The following CCNE2 variants were observed in gnomAD, a reference collection of about 807,000 sequenced individuals.
CCNE2 encodes the protein G1/S-specific cyclin-E2.
In CCNE2, 18 loss-of-function variants were observed where a neutral mutation model predicts 56.8. The ratio of observed to expected loss-of-function variants is 0.32; its 90% CI spans 0.22 to 0.47. CCNE2 has a LOEUF of 0.47. Ranked by LOEUF, CCNE2 falls within the 20% of genes least tolerant of loss-of-function variation. CCNE2 has a pLI of 1.00. For synonymous variants in CCNE2, 139 were observed against 149.2 expected (o/e 0.93, Z 0.50); for missense variants, 371 against 467.1 (o/e 0.79, Z 1.90).
rs1259973212 is a variant in CCNE2 at position 94,885,178 on chromosome 8, A to G, written c.720T>C (p.Pro240=). The G allele has an allele frequency of 6.2e-7, 1 of 1,613,644 alleles. No homozygotes were observed. The highest frequency in any genetic ancestry group is 1.3e-5 in the African/African-American group (1 of 74,926). The change falls in exon 9 of 12, where the codon CCT becomes CCC. Residue 240 remains proline (P), a synonymous_variant. Transcript: ENST00000308108. The stretch of plus-strand genomic sequence containing the variant: ...GATTTAGCCAGGAGATGATTGTTAC[A>G]GGACAAAGTTCCCATTTTAAAGCCT... ...ILKALKWELC[P]VTIISWLNLF... is the part of the protein sequence containing the mutation.
In CCNE2 at chr8:94,884,738, A is replaced by G. The variant is rs1816970054; in HGVS notation, c.831+329T>C. Reference sequence around the variant, plus strand: ...TAGGCACTCTGTGTATCCAAATGTAAAGACATCATACAGAATAATTCTATG... The same window carrying G: ...TAGGCACTCTGTGTATCCAAATGTAGAGACATCATACAGAATAATTCTATG... On this transcript the variant is annotated intron_variant, in intron 9 of 11. Coordinates refer to ENST00000308108, the MANE Select transcript of CCNE2 (RefSeq NM_057749.3). 2.8e-5 allele frequency: 5 copies of G among 175,702 alleles called. No individual in the cohort carries two copies. The South Asian group carries it at 8.7e-4, about 31-fold the overall frequency. 10.9% of individuals were successfully genotyped at this position (175,702 alleles called of 1,614,324 possible).
chr8:94,891,916 G>C, intron 5 of CCNE2: 1 of 1,308,832 alleles, frequency 7.6e-7, no homozygotes, highest in African/African-American at 1.4e-5. Context: ...AGTGAACAAA[G>C]CACCTACGAT....
upstream of CCNE2, among the ~76,000 whole-genome samples, chr8:94,896,140 C>A (rs574837631): frequency 1.0e-3 from 155 of 152,214 alleles, no homozygotes; most frequent in Non-Finnish European, 1.7e-3. Context: ...AGGGTAAAAC[C>A]CCTCTCCGGA....
intron 7 of CCNE2, among the ~76,000 whole-genome samples, chr8:94,886,912 T>C (rs1476298535): frequency 6.6e-6 from 1 of 152,214 alleles, no homozygotes; most frequent in East Asian, 1.9e-4. Flanking sequence ...GTCTAGAAAG[T>C]TGTCTAAAAC....
chr8:94,888,735 A>G (rs1230174320), intron 6 of CCNE2, among the ~76,000 whole-genome samples: 1 of 152,200 alleles, frequency 6.6e-6, no homozygotes, highest in African/African-American at 2.4e-5. Context: ...CATGTTGGCC[A>G]GGCTGGTCTC....
intron 5 of CCNE2, chr8:94,891,832 A>G (rs1014306161): frequency 3.9e-6 from 6 of 1,533,248 alleles, no homozygotes; most frequent in African/African-American, 2.7e-5. Flanking sequence ...TTTGCTGCAC[A>G]TGCTTAAAAA....
Position 94,881,504 on chromosome 8 carries a change from G to GC in CCNE2, c.*127dup. The GC allele has an allele frequency of 1.3e-6, 1 of 781,796 alleles. No individual in the cohort carries two copies. The highest frequency in any genetic ancestry group is 2.0e-5 in the South Asian group (1 of 50,082). 48.4% of individuals were successfully genotyped at this position (781,796 alleles called of 1,614,324 possible). A position where few individuals can be genotyped will look rare whatever the true frequency, so the allele number is the denominator to read the frequency against. The stretch of plus-strand genomic sequence containing the variant: ...AATTGTAAGTTTTAAAATCAGAATG[G>GC]CAGTGTAACTTGTGAATTGGCTAGG... On this transcript the variant is annotated 3_prime_UTR_variant, in exon 12 of 12. Transcript: ENST00000308108.
rs138838315 is a variant in CCNE2, at chr8:94,885,141, C to G, written c.757G>C (p.Val253Leu). 7.0e-4 allele frequency: 1,128 copies of G among 1,613,520 alleles called. 9 individuals carry two copies. The African/African-American group carries it at 0.014, about 20-fold the overall frequency. Residue 253 changes from valine (V) to leucine (L), a missense_variant, in exon 9 of 12, where the codon GTT becomes CTT. Val to Leu is a conservative substitution (Grantham distance 32). Transcript: ENST00000308108. ...IISWLNLFLQ[V>L]DALKDAPKVL... ...TTAGGAGCATCTTTAAGAGCATCAA[C>G]TTGGAGAAAGAGATTTAGCCAGGAG...
chr8:94,896,553 C>G (rs113930555), upstream of CCNE2: 2 of 152,082 alleles, frequency 1.3e-5, no homozygotes, highest in Non-Finnish European at 2.9e-5. Flanking sequence ...GAACAAAGAT[C>G]CCCCGGGTGG....
At chr8:94,888,199 G>A in intron 6 of CCNE2, 126 bp from the exon 7 acceptor site, 16 of 573,366 alleles carry the variant, frequency 2.8e-5, no homozygotes, top group South Asian at 1.1e-4. Flanking sequence ...AGATAGGAAA[G>A]GAAAAAAAGA....
Position 94,881,757 on chromosome 8 carries a change from A to G in CCNE2, c.1102-12T>C. The G allele has an allele frequency of 6.2e-7, 1 of 1,613,380 alleles. No individual in the cohort carries two copies. The highest frequency in any genetic ancestry group is 2.2e-5 in the East Asian group (1 of 44,874). ...TAATTTACTTCCTCCTATACATGGG[A>G]AGAAATCATGCACTGATTTCATAAA... On this transcript the variant is annotated splice_polypyrimidine_tract_variant and intron_variant, in intron 11 of 11. Transcript: ENST00000308108.
chr8:94,892,654 T>C (rs150721597), intron 5 of CCNE2, among the ~76,000 whole-genome samples, 164 bp downstream of exon 5: 18 of 152,336 alleles, frequency 1.2e-4, no homozygotes, highest in Admixed American at 5.2e-4. Context: ...ACCCATATCA[T>C]TTGCAACCAG....
rs1025442604 is a variant in CCNE2, at chr8:94,894,250, G to A, written c.-26-3C>T. The stretch of plus-strand genomic sequence containing the variant: ...CTTCTTTCAGGTGTATAAAACCTCT[G>A]AAGGGGGGAGAGGAAAAGCCGCAGT... On this transcript the variant is annotated splice_polypyrimidine_tract_variant and splice_region_variant and intron_variant, in intron 1 of 11. Coordinates refer to ENST00000308108, the MANE Select transcript of CCNE2 (RefSeq NM_057749.3). 1.2e-6 allele frequency: 2 copies of A among 1,613,026 alleles called. No homozygotes were observed. The highest frequency in any genetic ancestry group is 8.5e-7 in the Non-Finnish European group (1 of 1,179,820).
At chr8:94,883,912 GGGA>G (rs1342752853) in intron 9 of CCNE2, 3 of 456,184 alleles carry the variant, frequency 6.6e-6, no homozygotes, top group Non-Finnish European at 1.3e-5. Flanking sequence ...TAGGAGAAAT[GGGA>G]GAAGAGCTGG....
intron 4 of CCNE2, 89 bp from the exon 5 acceptor site, chr8:94,893,058 C>T (rs921288770): frequency 9.6e-7 from 1 of 1,037,850 alleles, no homozygotes; most frequent in African/African-American, 1.7e-5. Flanking sequence ...GCTAATATGT[C>T]TAAAGAATCA....
upstream of CCNE2, chr8:94,896,558 G>A (rs569823916): frequency 6.6e-6 from 1 of 152,158 alleles, no homozygotes; most frequent in African/African-American, 2.4e-5. Context: ...AAGATCCCCC[G>A]GGTGGAGGAG....
rs1184928581 is a variant in CCNE2, at chr8:94,892,770, C to T, written c.317+48G>A. ...GACAAAATAGTGCCATGTATTAAAT[C>T]AGCACAACTTTATATCTTTGAAATA... On this transcript the variant is annotated intron_variant, in intron 5 of 11. Transcript: ENST00000308108. The T allele has an allele frequency of 2.8e-6, 3 of 1,083,208 alleles. No homozygotes were observed. In the African/African-American group the frequency reaches 4.9e-5, roughly 18 times the overall value. The allele number at this position is 1,083,208 out of a possible 1,614,324, so 67.1% of individuals were successfully genotyped here.
rs1304292836 is a variant in CCNE2 at position 94,886,635 on chromosome 8, AG to A, written c.601-1078del. 1.6e-4 allele frequency among the ~76,000 whole-genome samples: 25 copies of A among 152,314 alleles called. 1 individual carries two copies. In the South Asian group the frequency reaches 4.8e-3, roughly 29 times the overall value. ...AGGATCACTGTAGCCTCGGAGGTCGAGGCTGTACTGAGCTGCAATAGTGCCA... is the reference window on the plus strand; with the variant it reads ...AGGATCACTGTAGCCTCGGAGGTCGAGCTGTACTGAGCTGCAATAGTGCCA... On this transcript the variant is annotated intron_variant, in intron 7 of 11. Coordinates refer to ENST00000308108, the MANE Select transcript of CCNE2 (RefSeq NM_057749.3).
chr8:94,891,755 G>A (rs535772126), intron 5 of CCNE2: 1 of 1,086,690 alleles, frequency 9.2e-7, no homozygotes, highest in Non-Finnish European at 1.4e-6. Context: ...GGTGGAGTTG[G>A]TAGGTGTACC....
Sources: allele counts gnomAD v4.1 joint callset (sites outside exome capture counted in the v4.1 genomes callset), GRCh38; gene constraint gnomAD v4.1.1; transcripts MANE v1.5; gene names NCBI Gene and HGNC (gene_info 2026-07-23, HGNC 2026-07-21).